TCERG1L: variants seen among roughly 807,000 people sequenced by gnomAD.
The protein encoded by TCERG1L is transcription elongation regulator 1 like, also known as transcription elongation regulator 1-like protein.
Under a neutral mutation model 56.3 loss-of-function variants are expected in TCERG1L, and 37 were observed. That is an observed-to-expected ratio of 0.66 (90% CI 0.51 to 0.87). The LOEUF is 0.87. TCERG1L is among the 40% of genes least tolerant of loss of function. The pLI, the probability that TCERG1L is intolerant of heterozygous loss-of-function variation, is 0.00. For missense variants in TCERG1L, 799 were observed against 774.2 expected (o/e 1.03, Z -0.38); for synonymous variants, 324 against 326.3 (o/e 0.99, Z 0.08).
chr10:131,211,457 C>G (rs558446584), intron 4 of TCERG1L, among the ~76,000 whole-genome samples: 2 of 152,138 alleles, frequency 1.3e-5, no homozygotes, highest in Admixed American at 1.3e-4. Flanking sequence ...ATGCTGTGGC[C>G]GGAGCTAGAT....
chr10:131,257,561 G>T (rs1265672215), intron 4 of TCERG1L, among the ~76,000 whole-genome samples: 2 of 152,166 alleles, frequency 1.3e-5, no homozygotes, highest in African/African-American at 4.8e-5. Flanking sequence ...ATCCAGACAG[G>T]TTTTCATGGT....
At chr10:131,099,189 A>G (rs1845280840) in intron 10 of TCERG1L, among the ~76,000 whole-genome samples, 1 of 152,240 alleles carries the variant, frequency 6.6e-6, no homozygotes, top group African/African-American at 2.4e-5. Flanking sequence ...TGGGAGGGAC[A>G]TGCACATCAG....
chr10:131,110,753 C>A (rs375692938), intron 9 of TCERG1L, among the ~76,000 whole-genome samples: 1 of 152,242 alleles, frequency 6.6e-6, no homozygotes, highest in Non-Finnish European at 1.5e-5. Flanking sequence ...AGAAACTCAT[C>A]GTGCATTGTT....
intron 3 of TCERG1L, among the ~76,000 whole-genome samples, chr10:131,263,571 G>A (rs1307193750): frequency 6.6e-6 from 1 of 152,132 alleles, no homozygotes; most frequent in Non-Finnish European, 1.5e-5. Context: ...GTATTCCAAG[G>A]AAGGCACGTG....
At chr10:131,136,343 GT>G (rs1344268265) in intron 7 of TCERG1L, among the ~76,000 whole-genome samples, 1 of 151,530 alleles carries the variant, frequency 6.6e-6, no homozygotes, top group African/African-American at 2.4e-5. Flanking sequence ...GGCATTTCTG[GT>G]TTTTTTTGAG....
At chr10:131,300,612 G>A (rs575975415) in intron 3 of TCERG1L, among the ~76,000 whole-genome samples, 2 of 151,892 alleles carry the variant, frequency 1.3e-5, no homozygotes, top group South Asian at 4.2e-4. Flanking sequence ...GTTCATTCAC[G>A]TTGCTCTCCT....
intron 4 of TCERG1L, among the ~76,000 whole-genome samples, chr10:131,245,034 C>G (rs1018043211): frequency 3.3e-5 from 5 of 152,206 alleles, no homozygotes; most frequent in Admixed American, 3.3e-4. Context: ...GGGAGCCCCT[C>G]AGCTGCTGGA....
At chr10:131,100,881 G>T (rs1001843578) in intron 10 of TCERG1L, among the ~76,000 whole-genome samples, 7 of 152,154 alleles carry the variant, frequency 4.6e-5, no homozygotes, top group Non-Finnish European at 7.3e-5. Context: ...GAGCTGCCAT[G>T]CTCCCCTTTG....
At chr10:131,244,955 A>T (rs1374724363) in intron 4 of TCERG1L, among the ~76,000 whole-genome samples, 2 of 152,174 alleles carry the variant, frequency 1.3e-5, no homozygotes, top group African/African-American at 4.8e-5. Context: ...GGGAACAGGA[A>T]GAGCATCAGT....
At chr10:131,135,557 T>C (rs771922617) in intron 7 of TCERG1L, among the ~76,000 whole-genome samples, 2 of 152,218 alleles carry the variant, frequency 1.3e-5, no homozygotes, top group Non-Finnish European at 2.9e-5. Flanking sequence ...CAGGCTTCTT[T>C]TCAATGTGCA....
intron 4 of TCERG1L, among the ~76,000 whole-genome samples, chr10:131,251,031 C>G (rs1846104598): frequency 6.6e-6 from 1 of 151,440 alleles, no homozygotes; most frequent in African/African-American, 2.4e-5. Flanking sequence ...CAGCCAAATT[C>G]TCCGGCTTGT....
intron 9 of TCERG1L, among the ~76,000 whole-genome samples, chr10:131,105,173 T>C (rs1192991129): frequency 3.9e-5 from 6 of 152,230 alleles, no homozygotes; most frequent in African/African-American, 1.4e-4. Context: ...TCCTCGTAAA[T>C]AGCCTGGGGT....
intron 4 of TCERG1L, among the ~76,000 whole-genome samples, chr10:131,256,456 C>T (rs2133538167): frequency 6.6e-6 from 1 of 152,274 alleles, no homozygotes. Flanking sequence ...AGGCAGATGG[C>T]CCTTTTTAAT....
rs1239764601 is a variant in TCERG1L, at chr10:131,093,163, C to T, written c.1760G>A (p.Ter587=). 1.2e-6 allele frequency: 2 copies of T among 1,611,964 alleles called. No individual in the cohort carries two copies. Among genetic ancestry groups the T allele is most frequent in the Middle Eastern group, 1.6e-4 (1 of 6,068 alleles). Residue 587 remains the stop codon, a stop_retained_variant, in exon 12 of 12, where the codon TGA becomes TAA. Transcript: ENST00000368642. ...ENRLRLRKMR[*] ...GGCTTATTGCATTTTTTCACAAACT[C>T]ATCTCATTTTCCGCAGCCTTAGTCT...
At chr10:131,106,094 T>C (rs1337589094) in intron 9 of TCERG1L, among the ~76,000 whole-genome samples, 1 of 152,212 alleles carries the variant, frequency 6.6e-6, no homozygotes, top group Non-Finnish European at 1.5e-5. Flanking sequence ...TCATTGCTAG[T>C]GAGGTGTTGT....
rs568334507 is a variant in TCERG1L, at chr10:131,100,294, A to T, written c.1486-1870T>A. Among the ~76,000 whole-genome samples the T allele has an allele frequency of 2.6e-5, 4 of 152,320 alleles. No individual in the cohort carries two copies. In the South Asian group the frequency reaches 6.2e-4, roughly 24 times the overall value. ...AGCATGTGGCTCCATCATTAGCTAG[A>T]GTTTTGCTCTATTAATTTTAGACCT... On this transcript the variant is annotated intron_variant, in intron 10 of 11. Coordinates refer to ENST00000368642, the MANE Select transcript of TCERG1L (RefSeq NM_174937.4).
intron 3 of TCERG1L, among the ~76,000 whole-genome samples, chr10:131,266,558 G>A (rs556137385): frequency 6.6e-6 from 1 of 152,194 alleles, no homozygotes; most frequent in Admixed American, 6.5e-5. Context: ...AAAGAATGAG[G>A]TACACAGACA....
chr10:131,220,375 C>T (rs957251990), intron 4 of TCERG1L, among the ~76,000 whole-genome samples: 1 of 152,220 alleles, frequency 6.6e-6, no homozygotes, highest in African/African-American at 2.4e-5. Context: ...GGGCCTCTGG[C>T]TCTGTCTGCA....
Position 131,288,266 on chromosome 10 carries a change from C to T in TCERG1L, c.670+19945G>A, listed in dbSNP as rs78666466. Among the ~76,000 whole-genome samples the T allele has an allele frequency of 1.6e-3, 244 of 152,340 alleles. 1 individual carries two copies. The highest frequency in any genetic ancestry group is 5.7e-3 in the African/African-American group (238 of 41,574). ...GATTCAGAATGATTTATCTGTTCAT[C>T]CTACAACTTCAGAAACCAGTCGGAA... On this transcript the variant is annotated intron_variant, in intron 3 of 11. Transcript: ENST00000368642.
Sources: allele counts gnomAD v4.1 joint callset (sites outside exome capture counted in the v4.1 genomes callset), GRCh38; gene constraint gnomAD v4.1.1; transcripts MANE v1.5; gene names NCBI Gene and HGNC (gene_info 2026-07-23, HGNC 2026-07-21).